The following TAFA1 variants were observed in gnomAD, a reference collection of about 807,000 sequenced individuals.
TAFA1 encodes the protein TAFA chemokine like family member 1.
TAFA1 carries 4 observed loss-of-function variants against 18.5 expected under a neutral mutation model. The ratio of observed to expected loss-of-function variants is 0.22; its 90% CI spans 0.11 to 0.49. TAFA1 has a LOEUF of 0.49. Among genes scored for constraint, TAFA1 ranks in the 20% least tolerant of loss-of-function variants. The pLI is 0.98. For synonymous variants in TAFA1, 56 were observed against 55.2 expected, an observed-to-expected ratio of 1.01 and a Z score of -0.06; for missense variants, 147 against 169.0, an observed-to-expected ratio of 0.87 and a Z score of 0.72.
intron 2 of TAFA1, among the ~76,000 whole-genome samples, chr3:68,048,736 TTC>T (rs2064427363): frequency 6.6e-6 from 1 of 152,174 alleles, no homozygotes; most frequent in Non-Finnish European, 1.5e-5. Context: ...CCTGGCTTAT[TTC>T]ATTTAACATA....
chr3:68,019,250 C>T (rs1414841286), intron 2 of TAFA1, among the ~76,000 whole-genome samples: 1 of 152,200 alleles, frequency 6.6e-6, no homozygotes, highest in African/African-American at 2.4e-5. Flanking sequence ...CTTAATTTCC[C>T]TATGCAAACA....
chr3:68,168,102 T>C lies in TAFA1; in HGVS notation c.118+161358T>C, dbSNP rs78679551. ...CTGATAATTTTATGAGTTTTGAAACTTTTGGTCTGTTTATTTGTCCTAATA... is the reference window on the plus strand; with the variant it reads ...CTGATAATTTTATGAGTTTTGAAACCTTTGGTCTGTTTATTTGTCCTAATA... On this transcript the variant is annotated intron_variant, in intron 2 of 4. Coordinates refer to ENST00000478136, the MANE Select transcript of TAFA1 (RefSeq NM_213609.4). Among the ~76,000 whole-genome samples the C allele has an allele frequency of 8.6e-3, 1,271 of 147,948 alleles. 20 individuals are homozygous for C. The highest frequency in any genetic ancestry group is 0.029 in the African/African-American group (1,165 of 40,444).
chr3:68,346,590 T>C (rs2069168437), intron 2 of TAFA1, among the ~76,000 whole-genome samples: 1 of 152,200 alleles, frequency 6.6e-6, no homozygotes, highest in Non-Finnish European at 1.5e-5. Flanking sequence ...TCATGGCCTT[T>C]ATGGTGACAA....
intron 2 of TAFA1, among the ~76,000 whole-genome samples, chr3:68,252,248 A>C (rs1242940941): frequency 6.6e-6 from 1 of 152,102 alleles, no homozygotes; most frequent in African/African-American, 2.4e-5. Flanking sequence ...TTCAGGTTTC[A>C]AGTTTTGTCT....
At chr3:68,452,515 T>G (rs1202996533) in intron 3 of TAFA1, among the ~76,000 whole-genome samples, 2 of 87,310 alleles carry the variant, frequency 2.3e-5, no homozygotes, top group African/African-American at 5.6e-5. Flanking sequence ...AAAGCAAAAC[T>G]CTCTCTCAAA....
chr3:68,219,117 A>C (rs970819846), intron 2 of TAFA1, among the ~76,000 whole-genome samples: 1 of 151,976 alleles, frequency 6.6e-6, no homozygotes. Context: ...TGTAGGGATT[A>C]CTAAGAGGAT....
At chr3:68,411,164 T>C (rs770336535) in intron 2 of TAFA1, among the ~76,000 whole-genome samples, 7 of 152,188 alleles carry the variant, frequency 4.6e-5, no homozygotes, top group Non-Finnish European at 7.3e-5. Flanking sequence ...ATAATAGGAA[T>C]TGTATGTCAT....
At chr3:68,288,487 G>A (rs1033508499) in intron 2 of TAFA1, among the ~76,000 whole-genome samples, 1 of 152,132 alleles carries the variant, frequency 6.6e-6, no homozygotes, top group East Asian at 1.9e-4. Context: ...TTTGCACCAA[G>A]TTGGTGCAGC....
chr3:68,493,298 C>G (rs187893305), intron 3 of TAFA1, among the ~76,000 whole-genome samples: 1 of 152,112 alleles, frequency 6.6e-6, no homozygotes, highest in Non-Finnish European at 1.5e-5. Flanking sequence ...CAAGGTATAT[C>G]TATGTTGCGG....
chr3:68,330,755 G>A (rs1279241156), intron 2 of TAFA1, among the ~76,000 whole-genome samples: 2 of 152,112 alleles, frequency 1.3e-5, no homozygotes, highest in Non-Finnish European at 1.5e-5. Flanking sequence ...TATTTGGTTT[G>A]TATAATTTTG....
chr3:68,239,905 G>A (rs1043916942), intron 2 of TAFA1, among the ~76,000 whole-genome samples: 1 of 152,128 alleles, frequency 6.6e-6, no homozygotes, highest in African/African-American at 2.4e-5. Flanking sequence ...ATATATAATA[G>A]CACCTTATAA....
At position 68,496,565 on chromosome 3, in the gene TAFA1, T is replaced by C. The variant is rs545402954; in HGVS notation, c.260-42191T>C. 1.6e-4 allele frequency among the ~76,000 whole-genome samples: 25 copies of C among 152,310 alleles called. 2 individuals are homozygous for C. In the South Asian group the frequency reaches 4.8e-3, roughly 29 times the overall value. On this transcript the variant is annotated intron_variant, in intron 3 of 4. Coordinates refer to ENST00000478136, the MANE Select transcript of TAFA1 (RefSeq NM_213609.4). The stretch of plus-strand genomic sequence containing the variant: ...CTACAAGTAAGCCATCTTAGATGTG[T>C]CCATCCAGCCCAGTTGAACCTTTAG...
At chr3:68,328,688 A>C (rs531203483) in intron 2 of TAFA1, among the ~76,000 whole-genome samples, 1 of 152,122 alleles carries the variant, frequency 6.6e-6, no homozygotes, top group East Asian at 1.9e-4. Context: ...CTGAGTATCA[A>C]CTCACAAGTG....
rs112738159 is a variant in TAFA1 at position 68,118,178 on chromosome 3, C to G, written c.118+111434C>G. ...ATGTAGAATCAGTGGGAGCCCTGAG[C>G]TTGTTTTCCTGCAACTAGAGAGTCC... On this transcript the variant is annotated intron_variant, in intron 2 of 4. Coordinates refer to ENST00000478136, the MANE Select transcript of TAFA1 (RefSeq NM_213609.4). 7.4e-3 allele frequency among the ~76,000 whole-genome samples: 1,124 copies of G among 152,190 alleles called. 13 individuals are homozygous for G. The highest frequency in any genetic ancestry group is 0.026 in the African/African-American group (1,070 of 41,508).
intron 2 of TAFA1, among the ~76,000 whole-genome samples, chr3:68,165,349 T>A (rs1272178156): frequency 6.6e-6 from 1 of 152,198 alleles, no homozygotes. Context: ...CCCAATTCTG[T>A]CTGAAGCCCT....
intron 2 of TAFA1, among the ~76,000 whole-genome samples, chr3:68,320,984 T>C (rs956136098): frequency 6.6e-6 from 1 of 152,148 alleles, no homozygotes; most frequent in African/African-American, 2.4e-5. Context: ...AGTAGACGTT[T>C]CCACTTTTCA....
chr3:68,041,206 T>C (rs190670527), intron 2 of TAFA1, among the ~76,000 whole-genome samples: 83 of 152,346 alleles, frequency 5.4e-4, no homozygotes, highest in African/African-American at 1.9e-3. Context: ...CCTTGTATGA[T>C]TGTTTACATT....
At chr3:68,195,804 TTCTG>T (rs2066403577) in intron 2 of TAFA1, among the ~76,000 whole-genome samples, 1 of 151,750 alleles carries the variant, frequency 6.6e-6, no homozygotes, top group African/African-American at 2.4e-5. Context: ...TTCTTTTTTC[TTCTG>T]TCTTTCCACA....
chr3:68,333,302 AC>A (rs1159605493), intron 2 of TAFA1, among the ~76,000 whole-genome samples: 2 of 152,262 alleles, frequency 1.3e-5, no homozygotes, highest in Admixed American at 6.5e-5. Flanking sequence ...ACCATGGAAT[AC>A]TACTGCACGT....
Sources: gnomAD v4.1 joint callset for allele counts (sites outside exome capture counted in the v4.1 genomes callset) on GRCh38, gnomAD v4.1.1 for gene constraint, MANE v1.5 for transcripts, NCBI Gene and HGNC (gene_info 2026-07-23, HGNC 2026-07-21) for gene names.